PARD3B: variants seen among roughly 807,000 people sequenced by gnomAD.
The protein encoded by PARD3B is par-3 family cell polarity regulator beta.
A neutral mutation model predicts 130.2 loss-of-function variants in PARD3B; 103 were observed. The ratio of observed to expected loss-of-function variants is 0.79; its 90% CI spans 0.67 to 0.93. PARD3B has a LOEUF of 0.93. Among genes scored for constraint, PARD3B ranks in the 40% least tolerant of loss-of-function variants. The probability of loss-of-function intolerance (pLI) is 0.00; values close to 1 mark genes in which losing one functional copy is unlikely to be tolerated. For missense variants in PARD3B, 1,609 were observed against 1,499.2 expected (o/e 1.07, Z -1.21); for synonymous variants, 583 against 553.2 (o/e 1.05, Z -0.76).
At chr2:204,889,812 A>C (rs1349753648) in intron 2 of PARD3B, among the ~76,000 whole-genome samples, 1 of 152,204 alleles carries the variant, frequency 6.6e-6, no homozygotes, top group Non-Finnish European at 1.5e-5. Flanking sequence ...CAACTGATTC[A>C]AGGCTGGTGA....
chr2:204,714,971 A>G (rs1300550392), intron 2 of PARD3B, among the ~76,000 whole-genome samples: 2 of 152,224 alleles, frequency 1.3e-5, no homozygotes, highest in African/African-American at 4.8e-5. Flanking sequence ...AAGCAATAAG[A>G]GTTGACAAAT....
At chr2:205,110,315 C>A (rs751773747) in intron 5 of PARD3B, among the ~76,000 whole-genome samples, 1 of 152,190 alleles carries the variant, frequency 6.6e-6, no homozygotes, top group South Asian at 2.1e-4. Flanking sequence ...CCAAATGAAG[C>A]CTTTCACTTC....
Position 205,183,730 on chromosome 2 carries a change from T to TTTGTG in PARD3B, c.1925-2033_1925-2032insTGTGT, listed in dbSNP as rs1553634032. Reference sequence around the variant, plus strand: ...GGTTCTGCAGAGAAACAGAACCAAGTTGTGTGTGTGTGTGTGTGTGTGTGT... The same window carrying TTTGTG: ...GGTTCTGCAGAGAAACAGAACCAAGTTTGTGTGTGTGTGTGTGTGTGTGTGTGTGT... On this transcript the variant is annotated intron_variant, in intron 13 of 22. Coordinates refer to ENST00000406610, the MANE Select transcript of PARD3B (RefSeq NM_001302769.2). The surrounding 1 kb of genome is among the most constrained non-coding windows in gnomAD (Gnocchi z 5.2). Among the ~76,000 whole-genome samples the TTTGTG allele has an allele frequency of 1.4e-5, 2 of 138,160 alleles. No individual in the cohort carries two copies. Among genetic ancestry groups the TTTGTG allele is most frequent in the African/African-American group, 5.4e-5 (2 of 37,068 alleles). The allele number at this position is 138,160 out of a possible 152,430, so 90.6% of individuals were successfully genotyped here.
Position 205,440,566 on chromosome 2 carries a change from T to C in PARD3B, c.2938T>C (p.Phe980Leu). The change falls in exon 20 of 23, where the codon TTT becomes CTT. Residue 980 changes from phenylalanine (F) to leucine (L), a missense_variant. Transcript: ENST00000406610. The surrounding 1 kb of genome is among the most constrained non-coding windows in gnomAD (Gnocchi z 4.2). The part of the protein sequence containing the change: ...RSPSPPRAGP[F>L]GYPRDGHPLS... ...TCCATCTCCCCCTCGAGCTGGACCA[T>C]TTGGTTACCCTCGGGATGGCCATCC... 6.2e-7 allele frequency: 1 copy of C among 1,614,058 alleles called. No individual in the cohort carries two copies. The highest frequency in any genetic ancestry group is 8.5e-7 in the Non-Finnish European group (1 of 1,179,958).
chr2:204,750,591 TACAC>T (rs750021182), intron 2 of PARD3B, among the ~76,000 whole-genome samples: 414 of 140,124 alleles, frequency 3.0e-3, no homozygotes, highest in South Asian at 0.016. Flanking sequence ...GTTTCAAAAA[TACAC>T]ACATACATAC....
At chr2:205,118,627 CTT>C (rs1330761037) in intron 6 of PARD3B, among the ~76,000 whole-genome samples, 1 of 152,182 alleles carries the variant, frequency 6.6e-6, no homozygotes, top group Non-Finnish European at 1.5e-5. Context: ...AACCACAAGT[CTT>C]TGGTGTCAAC....
chr2:205,333,392 T>C (rs912491352), intron 18 of PARD3B, among the ~76,000 whole-genome samples: 1 of 152,288 alleles, frequency 6.6e-6, no homozygotes, highest in African/African-American at 2.4e-5. Context: ...ATATATTGCC[T>C]TAAAATATTA....
intron 2 of PARD3B, among the ~76,000 whole-genome samples, chr2:204,815,973 T>A (rs141323302): frequency 1.3e-5 from 2 of 152,152 alleles, no homozygotes; most frequent in East Asian, 3.9e-4. Flanking sequence ...CATTGGTTGA[T>A]AATGTTTTTC....
At chr2:205,064,950 T>C (rs1374363636) in intron 4 of PARD3B, among the ~76,000 whole-genome samples, 1 of 152,130 alleles carries the variant, frequency 6.6e-6, no homozygotes, top group Non-Finnish European at 1.5e-5. Context: ...GTTGCAGAAA[T>C]GCTAATTTGA....
At chr2:205,404,194 G>A (rs1366319768) in intron 19 of PARD3B, among the ~76,000 whole-genome samples, 1 of 152,104 alleles carries the variant, frequency 6.6e-6, no homozygotes, top group African/African-American at 2.4e-5. Context: ...ACCGCAGATT[G>A]AAAATATTTA....
chr2:205,565,989 G>C (rs2053317799), intron 22 of PARD3B, among the ~76,000 whole-genome samples: 1 of 151,558 alleles, frequency 6.6e-6, no homozygotes, highest in African/African-American at 2.4e-5. Context: ...AAGGGAGGGA[G>C]ACATGAGTTA....
rs1160443783 is a variant in PARD3B, at chr2:205,268,296, G to GA, written c.2185+22474_2185+22475insA. ...ATAAGCATGAAGACAGACTGATTAAGCTCACTCATATAATTGGTTTTTGAG... is the reference window on the plus strand; with the variant it reads ...ATAAGCATGAAGACAGACTGATTAAGACTCACTCATATAATTGGTTTTTGAG... On this transcript the variant is annotated intron_variant, in intron 16 of 22. Transcript: ENST00000406610. This position sits in a 1 kb window ranked among gnomAD's most constrained non-coding sequence, Gnocchi z 4.1. Among the ~76,000 whole-genome samples the GA allele has an allele frequency of 2.6e-5, 4 of 152,226 alleles. No homozygotes were observed. The highest frequency in any genetic ancestry group is 4.4e-5 in the Non-Finnish European group (3 of 68,042).
At position 205,572,130 on chromosome 2, in the gene PARD3B, A is replaced by G. The variant is rs944311203; in HGVS notation, c.3260+18727A>G. Among the ~76,000 whole-genome samples the G allele has an allele frequency of 3.3e-5, 5 of 152,180 alleles. No individual in the cohort carries two copies. Among genetic ancestry groups the G allele is most frequent in the African/African-American group, 1.2e-4 (5 of 41,440 alleles). ...TTCAGTAAACTTTTACATAAATACT[A>G]CTATATAGCCAGCACTGAGGAAGTA... On this transcript the variant is annotated intron_variant, in intron 22 of 22. Coordinates refer to ENST00000406610, the MANE Select transcript of PARD3B (RefSeq NM_001302769.2). This position sits in a 1 kb window ranked among gnomAD's most constrained non-coding sequence, Gnocchi z 4.2.
At chr2:204,953,989 G>A (rs866697424) in intron 2 of PARD3B, among the ~76,000 whole-genome samples, 1 of 152,156 alleles carries the variant, frequency 6.6e-6, no homozygotes, top group Non-Finnish European at 1.5e-5. Context: ...TTATGACAGT[G>A]AGGAGGGAGC....
intron 18 of PARD3B, among the ~76,000 whole-genome samples, chr2:205,334,654 A>G (rs189616517): frequency 1.2e-4 from 19 of 152,272 alleles, no homozygotes; most frequent in Admixed American, 9.2e-4. Context: ...TTCTTTCTCT[A>G]TGGCCTTTTC....
At chr2:205,246,261 A>G (rs2039568501) in intron 16 of PARD3B, among the ~76,000 whole-genome samples, 1 of 147,594 alleles carries the variant, frequency 6.8e-6, no homozygotes, top group South Asian at 2.1e-4. Context: ...TCTGCCTGTC[A>G]TCAAAATGGA....
chr2:204,545,910 C>A lies in PARD3B; in HGVS notation c.-90C>A. 1 of 1,388,100 alleles carries A rather than the reference C, an allele frequency of 7.2e-7. No individual in the cohort carries two copies. Among genetic ancestry groups the A allele is most frequent in the Non-Finnish European group, 9.4e-7 (1 of 1,065,472 alleles). 86.0% of individuals were successfully genotyped at this position (1,388,100 alleles called of 1,614,324 possible). On this transcript the variant is annotated 5_prime_UTR_variant, in exon 1 of 23. Transcript: ENST00000406610. The stretch of plus-strand genomic sequence containing the variant: ...GCGGCGCCCCGGGTCTCTGGGCCCA[C>A]CCGCCCCGGGCGTCCTCCGAGAGTG...
chr2:205,334,210 A>C (rs1467099648), intron 18 of PARD3B, among the ~76,000 whole-genome samples: 1 of 152,206 alleles, frequency 6.6e-6, no homozygotes, highest in Admixed American at 6.5e-5. Context: ...GTATGTGTGC[A>C]TGTGCTCGTG....
rs754788850 is a variant in PARD3B, at chr2:205,572,674, G to C, written c.3260+19271G>C. On this transcript the variant is annotated intron_variant, in intron 22 of 22. Coordinates refer to ENST00000406610, the MANE Select transcript of PARD3B (RefSeq NM_001302769.2). The surrounding 1 kb of genome is among the most constrained non-coding windows in gnomAD (Gnocchi z 4.2). ...GGAGGAGAATTGCTTGAACCCAGAAGGTGGAGGTTGCAGTGAGCTGAGATC... is the reference window on the plus strand; with the variant it reads ...GGAGGAGAATTGCTTGAACCCAGAACGTGGAGGTTGCAGTGAGCTGAGATC... Among the ~76,000 whole-genome samples, 1 of 152,142 alleles carries C rather than the reference G, an allele frequency of 6.6e-6. No homozygotes were observed. Among genetic ancestry groups the C allele is most frequent in the Non-Finnish European group, 1.5e-5 (1 of 68,040 alleles).
Sources: gnomAD v4.1 joint callset for allele counts (sites outside exome capture counted in the v4.1 genomes callset) on GRCh38, gnomAD v4.1.1 for gene constraint, Gnocchi (gnomAD v3.1) non-coding constraint, MANE v1.5 for transcripts, NCBI Gene and HGNC (gene_info 2026-07-23, HGNC 2026-07-21) for gene names.